The following LRFN5 variants were observed in gnomAD, a reference collection of about 807,000 sequenced individuals.
LRFN5 encodes leucine rich repeat and fibronectin type III domain containing 5.
Under a neutral mutation model 45.6 loss-of-function variants are expected in LRFN5, and 24 were observed. The observed-to-expected ratio is 0.53, with a 90% CI of 0.38 to 0.74. The LOEUF is 0.74. Ranked by LOEUF, LRFN5 falls within the 30% of genes least tolerant of loss-of-function variation. The pLI is 0.00. For synonymous variants in LRFN5, 340 were observed against 313.8 expected (o/e 1.08, Z -0.88); for missense variants, 776 against 861.5 (o/e 0.90, Z 1.24).
chr14:41,708,941 G>A (rs760951761), intron 1 of LRFN5, among the ~76,000 whole-genome samples: 1 of 148,696 alleles, frequency 6.7e-6, no homozygotes, highest in Non-Finnish European at 1.5e-5. Flanking sequence ...TGTTAAAAAC[G>A]TATCCATCTG....
At chr14:41,865,160 C>T (rs545792341) in intron 2 of LRFN5, among the ~76,000 whole-genome samples, 2 of 151,982 alleles carry the variant, frequency 1.3e-5, no homozygotes, top group African/African-American at 2.4e-5. Context: ...GTTGTGCCAC[C>T]ATTACCATAA....
chr14:41,729,715 G>A (rs557677332), intron 1 of LRFN5, among the ~76,000 whole-genome samples: 1 of 151,850 alleles, frequency 6.6e-6, no homozygotes, highest in Non-Finnish European at 1.5e-5. Context: ...TTCTATGGAA[G>A]GCATGATTTT....
intron 1 of LRFN5, among the ~76,000 whole-genome samples, chr14:41,762,323 T>A (rs1429881720): frequency 6.6e-6 from 1 of 152,126 alleles, no homozygotes; most frequent in Non-Finnish European, 1.5e-5. Flanking sequence ...GATTAGTTGT[T>A]CTCGTTTACA....
At chr14:41,670,932 C>T (rs1238808585) in intron 1 of LRFN5, among the ~76,000 whole-genome samples, 1 of 151,840 alleles carries the variant, frequency 6.6e-6, no homozygotes, top group Non-Finnish European at 1.5e-5. Flanking sequence ...TTTGTAAAAA[C>T]CTTGAACTGA....
chr14:41,640,595 A>C (rs1397882992), intron 1 of LRFN5, among the ~76,000 whole-genome samples: 15 of 152,122 alleles, frequency 9.9e-5, no homozygotes, highest in Admixed American at 9.2e-4. Flanking sequence ...AAAAAATTAA[A>C]TGTCCTCAGC....
intron 1 of LRFN5, among the ~76,000 whole-genome samples, chr14:41,654,063 G>C (rs918893343): frequency 1.3e-5 from 2 of 152,036 alleles, no homozygotes; most frequent in African/African-American, 2.4e-5. Context: ...TTGGGGGAAG[G>C]GGGAGGGATA....
chr14:41,755,864 T>C (rs779639981), intron 1 of LRFN5, among the ~76,000 whole-genome samples: 3 of 152,232 alleles, frequency 2.0e-5, no homozygotes, highest in Non-Finnish European at 4.4e-5. Context: ...TTAGCCTCGA[T>C]GGTCTTTACA....
chr14:41,896,640 A>G (rs1890948718), intron 4 of LRFN5, among the ~76,000 whole-genome samples: 1 of 152,212 alleles, frequency 6.6e-6, no homozygotes, highest in Non-Finnish European at 1.5e-5. Flanking sequence ...TTACTTTCAA[A>G]GGACAGATTG....
chr14:41,886,462 A>G, intron 2 of LRFN5, 144 bp from the exon 3 acceptor site: 1 of 578,064 alleles, frequency 1.7e-6, no homozygotes, highest in Non-Finnish European at 2.9e-6. Flanking sequence ...AGCCTTTACT[A>G]CAGAATAAAT....
At chr14:41,795,030 T>G (rs1262180425) in intron 2 of LRFN5, among the ~76,000 whole-genome samples, 1 of 152,048 alleles carries the variant, frequency 6.6e-6, no homozygotes, top group Non-Finnish European at 1.5e-5. Context: ...ATGTTTGGTA[T>G]ATATACTATA....
Position 41,777,637 on chromosome 14 carries a change from C to T in LRFN5, c.-21+10608C>T, listed in dbSNP as rs139469477. ...ATTATTTTTTCATCATCTAATTGAG[C>T]ATGCTAGGAGCTCTATTACATTGGT... On this transcript the variant is annotated intron_variant, in intron 2 of 5. Coordinates refer to ENST00000298119, the MANE Select transcript of LRFN5 (RefSeq NM_152447.5). Among the ~76,000 whole-genome samples, 1,482 of 151,866 alleles carry T rather than the reference C, an allele frequency of 9.8e-3. 11 individuals carry two copies. Among genetic ancestry groups the T allele is most frequent in the Middle Eastern group, 0.024 (7 of 294 alleles).
chr14:41,755,352 G>A (rs192037518), intron 1 of LRFN5, among the ~76,000 whole-genome samples: 2 of 152,256 alleles, frequency 1.3e-5, no homozygotes, highest in African/African-American at 4.8e-5. Flanking sequence ...TCTGTCTGAT[G>A]TTGACAGTGG....
intron 2 of LRFN5, among the ~76,000 whole-genome samples, chr14:41,837,602 G>A (rs1456453438): frequency 6.6e-6 from 1 of 152,114 alleles, no homozygotes; most frequent in African/African-American, 2.4e-5. Flanking sequence ...TAGTAAATAG[G>A]GAATGATATT....
chr14:41,750,503 T>C (rs570889229), intron 1 of LRFN5, among the ~76,000 whole-genome samples: 1 of 152,022 alleles, frequency 6.6e-6, no homozygotes, highest in East Asian at 1.9e-4. Flanking sequence ...GAAGGTCACA[T>C]AAAATAATGT....
intron 2 of LRFN5, among the ~76,000 whole-genome samples, chr14:41,837,033 C>G (rs1160227268): frequency 6.6e-6 from 1 of 151,740 alleles, no homozygotes; most frequent in Non-Finnish European, 1.5e-5. Flanking sequence ...TTTCTTCCTC[C>G]CCACACAGGA....
chr14:41,618,679 C>T (rs912005004), intron 1 of LRFN5, among the ~76,000 whole-genome samples: 3 of 152,144 alleles, frequency 2.0e-5, no homozygotes, highest in Non-Finnish European at 4.4e-5. Context: ...CTTTAAGCCA[C>T]AAAATTATGT....
At chr14:41,612,708 T>A (rs535552206) in intron 1 of LRFN5, among the ~76,000 whole-genome samples, 1 of 152,256 alleles carries the variant, frequency 6.6e-6, no homozygotes, top group East Asian at 1.9e-4. Context: ...TAAGGCTGTA[T>A]AATTTGTTCA....
chr14:41,713,520 A>G (rs1011575618), intron 1 of LRFN5, among the ~76,000 whole-genome samples: 1 of 152,116 alleles, frequency 6.6e-6, no homozygotes, highest in Admixed American at 6.5e-5. Context: ...AAAAAAATCT[A>G]TATACAATCT....
chr14:41,735,129 A>T (rs745312240), intron 1 of LRFN5, among the ~76,000 whole-genome samples: 22 of 152,162 alleles, frequency 1.4e-4, no homozygotes, highest in Non-Finnish European at 2.8e-4. Context: ...AATGAATTTT[A>T]TATTTTTACA....
Sources: gnomAD v4.1 joint callset for allele counts (sites outside exome capture counted in the v4.1 genomes callset) on GRCh38, gnomAD v4.1.1 for gene constraint, MANE v1.5 for transcripts, NCBI Gene and HGNC (gene_info 2026-07-23, HGNC 2026-07-21) for gene names.